Variants in EYS observed in about 807,000 individuals in gnomAD.
EYS encodes EGF-like photoreceptor maintenance factor.
EYS carries 250 observed loss-of-function variants against 282.1 expected under a neutral mutation model. The ratio of observed to expected loss-of-function variants is 0.89; its 90% confidence interval spans 0.80 to 0.98. The LOEUF (loss-of-function observed/expected upper bound fraction) is 0.98. EYS is among the 50% of genes least tolerant of loss of function. EYS has a pLI of 0.00. For missense variants in EYS, 4,016 were observed against 3,709.0 expected (o/e 1.08, Z -2.15); for synonymous variants, 1,355 against 1,282.9 (o/e 1.06, Z -1.20).
In EYS at chr6:64,428,287, T is replaced by C. The variant is rs557724032; in HGVS notation, c.5927+7887A>G. On this transcript the variant is annotated intron_variant, in intron 28 of 42. Transcript: ENST00000503581. ...ATATTTTTTCATCTCTGTTTTCTTA[T>C]ATGAAATACTAAAATTATAAACTAT... 1.6e-4 allele frequency among the ~76,000 whole-genome samples: 25 copies of C among 152,284 alleles called. No individual in the cohort carries two copies. The South Asian group carries it at 5.0e-3, about 30-fold the overall frequency.
intron 33 of EYS, among the ~76,000 whole-genome samples, chr6:64,027,244 A>C (rs2149825422): frequency 1.3e-5 from 2 of 152,328 alleles, no homozygotes; most frequent in East Asian, 3.9e-4. Context: ...AATTAGAAAA[A>C]AGACCATGAA....
chr6:64,293,935 A>C (rs1411992293), intron 30 of EYS, among the ~76,000 whole-genome samples: 2 of 152,164 alleles, frequency 1.3e-5, no homozygotes, highest in Non-Finnish European at 2.9e-5. Context: ...TGCCTGAATG[A>C]GAAATCAATC....
At chr6:64,014,501 T>A (rs925901795) in intron 33 of EYS, among the ~76,000 whole-genome samples, 5 of 152,202 alleles carry the variant, frequency 3.3e-5, no homozygotes, top group Non-Finnish European at 5.9e-5. Flanking sequence ...ATATTTATAC[T>A]GTATTATGTT....
At chr6:64,536,181 A>G (rs1764513406) in intron 26 of EYS, among the ~76,000 whole-genome samples, 1 of 152,188 alleles carries the variant, frequency 6.6e-6, no homozygotes, top group Admixed American at 6.5e-5. Context: ...TAAAAAAACT[A>G]TATTAACTAA....
intron 11 of EYS, chr6:65,330,719 A>C: frequency 2.1e-6 from 2 of 952,886 alleles, no homozygotes; most frequent in Non-Finnish European, 2.5e-6. Context: ...ATTTTGCCTT[A>C]TAAATTGAGT....
intron 35 of EYS, among the ~76,000 whole-genome samples, chr6:63,900,789 G>T (rs1773639540): frequency 6.6e-6 from 1 of 152,078 alleles, no homozygotes; most frequent in Admixed American, 6.6e-5. Flanking sequence ...ATGACCTACA[G>T]GAAGGCAAGC....
chr6:64,221,408 T>C (rs1766097566), intron 31 of EYS, among the ~76,000 whole-genome samples: 1 of 152,064 alleles, frequency 6.6e-6, no homozygotes, highest in South Asian at 2.1e-4. Flanking sequence ...TCTGCCCTTT[T>C]GTCTATTATC....
At chr6:65,604,120 C>T (rs1765701702) in intron 2 of EYS, among the ~76,000 whole-genome samples, 1 of 151,764 alleles carries the variant, frequency 6.6e-6, no homozygotes, top group East Asian at 1.9e-4. Context: ...CAGGAGATTT[C>T]CAGTTTTCTC....
rs142774774 is a variant in EYS at position 65,417,751 on chromosome 6, C to T, written c.863-12384G>A. Among the ~76,000 whole-genome samples, 886 of 152,044 alleles carry T rather than the reference C, an allele frequency of 5.8e-3. 12 individuals are homozygous for T. The highest frequency in any genetic ancestry group is 0.02 in the African/African-American group (811 of 41,508). ...GCAACTTTTATAAAGTAGATATTGT[C>T]GTTATGCCTATTATAAGCAAGGTGA... On this transcript the variant is annotated intron_variant, in intron 5 of 42. Coordinates refer to ENST00000503581, the MANE Select transcript of EYS (RefSeq NM_001142800.2).
chr6:65,348,635 C>G (rs1770489405), intron 9 of EYS, among the ~76,000 whole-genome samples: 1 of 151,548 alleles, frequency 6.6e-6, no homozygotes, highest in South Asian at 2.1e-4. Context: ...CCTTGTCAGA[C>G]AGATAGTTTG....
At chr6:65,100,357 GTT>G (rs1347243258) in intron 12 of EYS, among the ~76,000 whole-genome samples, 1 of 150,444 alleles carries the variant, frequency 6.6e-6, no homozygotes, top group Non-Finnish European at 1.5e-5. Context: ...TTAATCAGAA[GTT>G]TTTTTAATGA....
chr6:64,359,056 C>T (rs749646609), intron 29 of EYS, among the ~76,000 whole-genome samples: 3 of 151,582 alleles, frequency 2.0e-5, no homozygotes, highest in Non-Finnish European at 4.4e-5. Flanking sequence ...TTCTTCTAGA[C>T]ATGCAGATAT....
chr6:65,097,805 A>T (rs769845883), intron 12 of EYS, among the ~76,000 whole-genome samples: 2 of 150,584 alleles, frequency 1.3e-5, no homozygotes, highest in African/African-American at 4.9e-5. Flanking sequence ...AATAAAATAA[A>T]AAAAAAAACA....
At chr6:64,420,201 A>C (rs2150450572) in intron 28 of EYS, among the ~76,000 whole-genome samples, 1 of 152,064 alleles carries the variant, frequency 6.6e-6, no homozygotes, top group Non-Finnish European at 1.5e-5. Flanking sequence ...CACCCTCTGA[A>C]GCCACAGCCA....
intron 22 of EYS, among the ~76,000 whole-genome samples, chr6:64,779,565 C>T (rs1313591785): frequency 4.6e-5 from 7 of 152,064 alleles, no homozygotes; most frequent in African/African-American, 1.4e-4. Flanking sequence ...ATGGTGGATA[C>T]ATGCCATTAT....
chr6:65,392,218 C>T (rs1294613444), intron 7 of EYS, among the ~76,000 whole-genome samples: 1 of 151,624 alleles, frequency 6.6e-6, no homozygotes, highest in Non-Finnish European at 1.5e-5. Flanking sequence ...CATAAAAACC[C>T]TAGAAGAAAA....
At chr6:64,599,791 T>C (rs1303688528) in intron 24 of EYS, among the ~76,000 whole-genome samples, 2 of 152,166 alleles carry the variant, frequency 1.3e-5, no homozygotes, top group African/African-American at 4.8e-5. Context: ...CAAACCACTA[T>C]ACTATACTTT....
chr6:65,200,202 A>G (rs115360008), intron 12 of EYS, among the ~76,000 whole-genome samples: 47 of 148,162 alleles, frequency 3.2e-4, no homozygotes, highest in South Asian at 1.0e-3. Flanking sequence ...AGCCTGTGTG[A>G]CTGAGTGAAT....
At chr6:64,864,382 C>CTTT (rs1562231995) in intron 19 of EYS, among the ~76,000 whole-genome samples, 1 of 40,082 alleles carries the variant, frequency 2.5e-5, no homozygotes, top group East Asian at 5.3e-4. Flanking sequence ...GGTGCTATAC[C>CTTT]TTCTTTTTTT....
Sources: gnomAD v4.1 joint callset for allele counts (sites outside exome capture counted in the v4.1 genomes callset) on GRCh38, gnomAD v4.1.1 for gene constraint, MANE v1.5 for transcripts, NCBI Gene and HGNC (gene_info 2026-07-23, HGNC 2026-07-21) for gene names.